The following RORB variants were observed in gnomAD, a reference collection of about 807,000 sequenced individuals.
RORB encodes the protein nuclear receptor ROR-beta.
A neutral mutation model predicts 59.1 loss-of-function variants in RORB; 6 were observed. The observed-to-expected ratio is 0.10, with a 90% CI of 0.06 to 0.20. The LOEUF is 0.20. RORB is among the 10% of genes least tolerant of loss of function. The pLI, the probability that RORB is intolerant of heterozygous loss-of-function variation, is 1.00. For missense variants in RORB, 320 were observed against 560.5 expected (o/e 0.57, Z 4.33); for synonymous variants, 215 against 204.5 (o/e 1.05, Z -0.44).
intron 1 of RORB, among the ~76,000 whole-genome samples, chr9:74,576,099 A>G (rs2118240746): frequency 6.6e-6 from 1 of 152,246 alleles, no homozygotes; most frequent in Middle Eastern, 3.4e-3. Flanking sequence ...GGAAGCTTCA[A>G]GTACATGATT....
chr9:74,524,003 C>CTTTT (rs10666385), intron 1 of RORB, among the ~76,000 whole-genome samples: 16 of 124,262 alleles, frequency 1.3e-4, no homozygotes, highest in Non-Finnish European at 2.0e-4. Context: ...TCAACGACAC[C>CTTTT]TTTTTTTTTT....
rs567571132 is a variant in RORB at position 74,584,729 on chromosome 9, T to C, written c.8-45553T>C. Among the ~76,000 whole-genome samples, 6 of 152,264 alleles carry C rather than the reference T, an allele frequency of 3.9e-5. No individual in the cohort carries two copies. In the South Asian group the frequency reaches 1.2e-3, roughly 32 times the overall value. ...ATTTGAAGTCATTGTTTGTTGGTAT[T>C]GGAAATACATCATTGGTAATGGAGA... On this transcript the variant is annotated intron_variant, in intron 1 of 9. Transcript: ENST00000376896.
intron 1 of RORB, among the ~76,000 whole-genome samples, chr9:74,558,229 C>T (rs923270736): frequency 3.3e-5 from 5 of 152,110 alleles, no homozygotes; most frequent in Admixed American, 2.0e-4. Flanking sequence ...TGCAGCTGCT[C>T]CTCAAATAGC....
intron 2 of RORB, among the ~76,000 whole-genome samples, chr9:74,632,924 GTCTCAT>G (rs910036389): frequency 1.3e-5 from 2 of 152,164 alleles, no homozygotes. Context: ...ACAGTCAGAA[GTCTCAT>G]TCTGCAATCA....
At chr9:74,579,369 CT>C (rs572396719) in intron 1 of RORB, among the ~76,000 whole-genome samples, 2 of 151,922 alleles carry the variant, frequency 1.3e-5, no homozygotes, top group Admixed American at 6.6e-5. Context: ...ATATTTCTTT[CT>C]TTTTTTTCTA....
At chr9:74,541,019 G>A (rs1045053023) in intron 1 of RORB, among the ~76,000 whole-genome samples, 3 of 151,990 alleles carry the variant, frequency 2.0e-5, no homozygotes, top group Non-Finnish European at 2.9e-5. Flanking sequence ...CGTGGTGCAC[G>A]CCTATAATTC....
At chr9:74,683,236 G>C (rs906313515) in intron 9 of RORB, among the ~76,000 whole-genome samples, 2 of 152,180 alleles carry the variant, frequency 1.3e-5, no homozygotes, top group African/African-American at 4.8e-5. Context: ...AGCTATTTCA[G>C]GGAGAATTAC....
Position 74,661,282 on chromosome 9 carries a change from T to C in RORB, c.759+544T>C, listed in dbSNP as rs554418494. ...TGAAGAAGTTTTTAAGAGGAATTTA[T>C]TGTTGTTTTTCAGTATTTACATTAC... is the stretch of plus-strand genomic sequence containing the variant. On this transcript the variant is annotated intron_variant, in intron 5 of 9. Coordinates refer to ENST00000376896, the MANE Select transcript of RORB (RefSeq NM_006914.4). Among the ~76,000 whole-genome samples, 3 of 152,342 alleles carry C rather than the reference T, an allele frequency of 2.0e-5. No individual in the cohort carries two copies. In the East Asian group the frequency reaches 5.8e-4, roughly 29 times the overall value.
chr9:74,626,175 T>C (rs1823511279), intron 1 of RORB, among the ~76,000 whole-genome samples: 1 of 152,026 alleles, frequency 6.6e-6, no homozygotes, highest in Non-Finnish European at 1.5e-5. Context: ...GGGGAGAGAA[T>C]TGCCATCTTC....
chr9:74,563,242 G>A (rs1450416755), intron 1 of RORB, among the ~76,000 whole-genome samples: 1 of 147,046 alleles, frequency 6.8e-6, no homozygotes, highest in Non-Finnish European at 1.5e-5. Flanking sequence ...CTGGAGTGCA[G>A]TAGCACAATC....
chr9:74,645,434 C>T (rs1823879755), intron 4 of RORB, among the ~76,000 whole-genome samples: 2 of 152,068 alleles, frequency 1.3e-5, no homozygotes, highest in African/African-American at 4.8e-5. Flanking sequence ...CATTTAAAAC[C>T]CAATTGTGCC....
intron 7 of RORB, among the ~76,000 whole-genome samples, chr9:74,666,879 A>T (rs1031782990): frequency 6.6e-6 from 1 of 152,244 alleles, no homozygotes; most frequent in African/African-American, 2.4e-5. Context: ...AGATGGGCTG[A>T]TGCCAGGAAA....
chr9:74,622,590 G>A (rs758313898), intron 1 of RORB, among the ~76,000 whole-genome samples: 1 of 131,186 alleles, frequency 7.6e-6, no homozygotes, highest in Middle Eastern at 5.2e-3. Flanking sequence ...GCAGTGATGC[G>A]ATCTCAGCTC....
At chr9:74,520,065 A>G (rs966547877) in intron 1 of RORB, among the ~76,000 whole-genome samples, 4 of 151,824 alleles carry the variant, frequency 2.6e-5, no homozygotes, top group Non-Finnish European at 5.9e-5. Flanking sequence ...AGAGAGAAGG[A>G]AAAAAAATAA....
chr9:74,661,023 C>A, intron 5 of RORB, among the ~76,000 whole-genome samples: 1 of 152,140 alleles, frequency 6.6e-6, no homozygotes, highest in East Asian at 1.9e-4. Flanking sequence ...CTACAGAGAC[C>A]GTGCCTTCAT....
At chr9:74,557,382 G>C (rs929347584) in intron 1 of RORB, among the ~76,000 whole-genome samples, 1 of 152,182 alleles carries the variant, frequency 6.6e-6, no homozygotes, top group Non-Finnish European at 1.5e-5. Context: ...CAGAAAGCCA[G>C]CATGAGGAGC....
chr9:74,577,723 A>C (rs1822659446), intron 1 of RORB, among the ~76,000 whole-genome samples: 1 of 152,038 alleles, frequency 6.6e-6, no homozygotes, highest in Non-Finnish European at 1.5e-5. Context: ...AGCCTCACTG[A>C]TCCTCAGATT....
At chr9:74,627,299 T>G (rs934103070) in intron 1 of RORB, among the ~76,000 whole-genome samples, 5 of 152,232 alleles carry the variant, frequency 3.3e-5, no homozygotes, top group African/African-American at 1.2e-4. Flanking sequence ...GATGATTTAT[T>G]ATATTGCAAT....
At chr9:74,608,440 T>G (rs1823183147) in intron 1 of RORB, among the ~76,000 whole-genome samples, 1 of 151,788 alleles carries the variant, frequency 6.6e-6, no homozygotes, top group South Asian at 2.1e-4. Context: ...GGCGGGCACC[T>G]GTAGTCCCAG....
Sources: allele counts gnomAD v4.1 joint callset (sites outside exome capture counted in the v4.1 genomes callset), GRCh38; gene constraint gnomAD v4.1.1; transcripts MANE v1.5; gene names NCBI Gene and HGNC (gene_info 2026-07-23, HGNC 2026-07-21).